DLG2: variants seen among roughly 807,000 people sequenced by gnomAD.
DLG2 encodes discs large MAGUK scaffold protein 2.
A neutral mutation model predicts 132.5 loss-of-function variants in DLG2; 45 were observed. The ratio of observed to expected loss-of-function variants is 0.34; its 90% confidence interval spans 0.27 to 0.44. DLG2 has a LOEUF of 0.44. Ranked by LOEUF, DLG2 falls within the 20% of genes least tolerant of loss-of-function variation. The pLI is 1.00. For synonymous variants in DLG2, 424 were observed against 419.6 expected (o/e 1.01, Z -0.13); for missense variants, 1,045 against 1,196.9 (o/e 0.87, Z 1.87).
At chr11:84,983,401 C>T (rs542493603) in intron 6 of DLG2, among the ~76,000 whole-genome samples, 44 of 152,198 alleles carry the variant, frequency 2.9e-4, no homozygotes, top group African/African-American at 9.9e-4. Flanking sequence ...GCAATCACTA[C>T]AGTTCGGCTC....
intron 3 of DLG2, among the ~76,000 whole-genome samples, chr11:85,539,185 C>A (rs1222806847): frequency 6.6e-6 from 1 of 151,770 alleles, no homozygotes; most frequent in African/African-American, 2.4e-5. Context: ...ACCATTAGAT[C>A]ATTCCCTTTT....
At chr11:83,473,590 C>A (rs1005978299) in intron 22 of DLG2, among the ~76,000 whole-genome samples, 4 of 151,990 alleles carry the variant, frequency 2.6e-5, no homozygotes, top group African/African-American at 9.7e-5. Flanking sequence ...ACCTGCAAAC[C>A]CGGAAGTGTC....
At chr11:85,018,699 C>G (rs1034577630) in intron 6 of DLG2, among the ~76,000 whole-genome samples, 2 of 151,128 alleles carry the variant, frequency 1.3e-5, no homozygotes, top group African/African-American at 4.9e-5. Context: ...CAAGTAAGTA[C>G]GATTAATATG....
At chr11:85,489,157 T>A (rs915660033) in intron 3 of DLG2, among the ~76,000 whole-genome samples, 1 of 152,036 alleles carries the variant, frequency 6.6e-6, no homozygotes, top group African/African-American at 2.4e-5. Context: ...ATCATCCAAC[T>A]ATATACTGCT....
intron 3 of DLG2, among the ~76,000 whole-genome samples, chr11:85,378,659 T>C (rs1290615602): frequency 6.6e-6 from 1 of 152,144 alleles, no homozygotes; most frequent in Non-Finnish European, 1.5e-5. Flanking sequence ...TCAGCTATTT[T>C]ACATTAAATC....
intron 18 of DLG2, among the ~76,000 whole-genome samples, chr11:83,773,003 T>C (rs1167346263): frequency 6.6e-6 from 1 of 152,234 alleles, no homozygotes; most frequent in Non-Finnish European, 1.5e-5. Flanking sequence ...ATAAAGTTAA[T>C]ATACCACCAA....
chr11:85,281,875 GA>G (rs2078248633), intron 4 of DLG2, among the ~76,000 whole-genome samples: 1 of 151,780 alleles, frequency 6.6e-6, no homozygotes, highest in Non-Finnish European at 1.5e-5. Context: ...CTAAAATAAA[GA>G]AATTCAGTAT....
At chr11:85,057,626 A>C (rs1387769658) in intron 6 of DLG2, among the ~76,000 whole-genome samples, 1 of 151,646 alleles carries the variant, frequency 6.6e-6, no homozygotes, top group Non-Finnish European at 1.5e-5. Flanking sequence ...AGAGAACAGC[A>C]AAAGATAAAT....
At chr11:85,223,248 A>C (rs1259704049) in intron 4 of DLG2, among the ~76,000 whole-genome samples, 2 of 152,216 alleles carry the variant, frequency 1.3e-5, no homozygotes, top group African/African-American at 4.8e-5. Flanking sequence ...GAAATGCAAG[A>C]CGCACCTGCA....
At chr11:83,871,525 T>C (rs2067174968) in intron 16 of DLG2, among the ~76,000 whole-genome samples, 1 of 152,346 alleles carries the variant, frequency 6.6e-6, no homozygotes, top group Admixed American at 6.5e-5. Context: ...TTTCAAATAA[T>C]GGGATTTGCA....
chr11:84,244,922 G>C (rs1198278493), intron 8 of DLG2, among the ~76,000 whole-genome samples: 1 of 152,060 alleles, frequency 6.6e-6, no homozygotes, highest in Non-Finnish European at 1.5e-5. Flanking sequence ...GTGAATCATA[G>C]CCTAAATCAT....
intron 6 of DLG2, among the ~76,000 whole-genome samples, chr11:85,035,614 G>A (rs775292315): frequency 2.6e-5 from 4 of 152,040 alleles, no homozygotes; most frequent in African/African-American, 4.8e-5. Flanking sequence ...TGGGTATTAC[G>A]GTTCACAATG....
chr11:84,738,062 G>A (rs557748966), intron 6 of DLG2, among the ~76,000 whole-genome samples: 11 of 152,094 alleles, frequency 7.2e-5, no homozygotes, highest in East Asian at 3.9e-4. Flanking sequence ...AGAGCGCAGC[G>A]TAAACTGGGT....
rs150328455 is a variant in DLG2, at chr11:85,579,623, C to G, written c.40+19034G>C. 9.4e-3 allele frequency among the ~76,000 whole-genome samples: 1,435 copies of G among 152,120 alleles called. 7 individuals are homozygous for G. Among genetic ancestry groups the G allele is most frequent in the Non-Finnish European group, 0.015 (1,018 of 67,972 alleles). The stretch of plus-strand genomic sequence containing the variant: ...TACCTTGGGTGGAGAGTGAAGGACA[C>G]AAAAGCATGATATGGGGTAGCTTCA... On this transcript the variant is annotated intron_variant, in intron 3 of 27. Coordinates refer to ENST00000376104, the MANE Select transcript of DLG2 (RefSeq NM_001142699.3).
At chr11:84,037,093 A>T (rs2095885538) in intron 11 of DLG2, among the ~76,000 whole-genome samples, 1 of 152,136 alleles carries the variant, frequency 6.6e-6, no homozygotes, top group Non-Finnish European at 1.5e-5. Context: ...TTGCTATTTG[A>T]AGCAGCGAGG....
At chr11:84,570,547 C>T (rs1010978089) in intron 6 of DLG2, among the ~76,000 whole-genome samples, 1 of 152,096 alleles carries the variant, frequency 6.6e-6, no homozygotes, top group South Asian at 2.1e-4. Flanking sequence ...ATAGTAAGTA[C>T]CATCTGGTAT....
chr11:85,177,801 A>G (rs2079405637), intron 4 of DLG2, among the ~76,000 whole-genome samples: 1 of 152,138 alleles, frequency 6.6e-6, no homozygotes, highest in Admixed American at 6.6e-5. Context: ...TCAGTAATTT[A>G]ACAAATATAT....
intron 17 of DLG2, among the ~76,000 whole-genome samples, chr11:83,832,368 GT>G (rs1278591914): frequency 5.9e-5 from 9 of 152,140 alleles, no homozygotes; most frequent in African/African-American, 2.2e-4. Context: ...CTCCAAATTC[GT>G]CATAAGTATG....
intron 6 of DLG2, among the ~76,000 whole-genome samples, chr11:84,651,176 T>A (rs1218856048): frequency 6.6e-6 from 1 of 152,056 alleles, no homozygotes; most frequent in East Asian, 1.9e-4. Flanking sequence ...TCTTTCTCCA[T>A]CTTCTTTAGA....
Sources: gnomAD v4.1 joint callset for allele counts (sites outside exome capture counted in the v4.1 genomes callset) on GRCh38, gnomAD v4.1.1 for gene constraint, MANE v1.5 for transcripts, NCBI Gene and HGNC (gene_info 2026-07-23, HGNC 2026-07-21) for gene names.